NXPE2: variants seen among roughly 807,000 people sequenced by gnomAD.
NXPE2 encodes neurexophilin and PC-esterase domain family member 2.
In NXPE2, 34 loss-of-function variants were observed where a neutral mutation model predicts 34.4. That is an observed-to-expected ratio of 0.99 (90% CI 0.75 to 1.31). The LOEUF (loss-of-function observed/expected upper bound fraction) is 1.31. Among genes scored for constraint, NXPE2 ranks in the 40% most tolerant of loss-of-function variants. The pLI, the probability that NXPE2 is intolerant of heterozygous loss-of-function variation, is 0.00. For synonymous variants in NXPE2, 235 were observed against 231.3 expected (o/e 1.02, Z -0.15); for missense variants, 649 against 672.5 (o/e 0.97, Z 0.39).
the NXPE2 span, among the ~76,000 whole-genome samples, chr11:114,670,302 A>T: frequency 6.6e-6 from 1 of 152,022 alleles, no homozygotes; most frequent in South Asian, 2.1e-4. Context: ...TCCCAAGATG[A>T]TTGTGTGCAT....
the NXPE2 span, among the ~76,000 whole-genome samples, chr11:114,717,647 A>G: frequency 1.3e-5 from 2 of 152,212 alleles, no homozygotes; most frequent in African/African-American, 2.4e-5. Flanking sequence ...TCTTTCAGGT[A>G]GAAGAGTTTG....
intron 2 of NXPE2, among the ~76,000 whole-genome samples, chr11:114,684,434 A>AG (rs1951006536): frequency 6.6e-6 from 1 of 152,160 alleles, no homozygotes; most frequent in Non-Finnish European, 1.5e-5. Context: ...CTCAAAAAAA[A>AG]GAAAAGAAAA....
chr11:114,703,894 G>C, intron 3 of NXPE2, 97 bp from the exon 4 acceptor site: 1 of 838,124 alleles, frequency 1.2e-6, no homozygotes, highest in Non-Finnish European at 2.0e-6. Flanking sequence ...GGGGGGAAAG[G>C]CATTTGGAGA....
At chr11:114,811,670 C>G in the NXPE2 span, among the ~76,000 whole-genome samples, 2 of 152,192 alleles carry the variant, frequency 1.3e-5, no homozygotes, top group African/African-American at 4.8e-5. Context: ...ACCCCACACT[C>G]AAGGGTGCTG....
At chr11:114,640,425 C>T in the NXPE2 span, among the ~76,000 whole-genome samples, 4 of 151,362 alleles carry the variant, frequency 2.6e-5, no homozygotes, top group South Asian at 2.1e-4. Context: ...TATATATTCA[C>T]GTGCAGATGT....
chr11:114,494,167 C>A, the NXPE2 span, among the ~76,000 whole-genome samples: 786 of 152,196 alleles, frequency 5.2e-3, 4 homozygotes, highest in African/African-American at 0.018. Flanking sequence ...TTATTAAATG[C>A]GTTGAGGTCG....
the NXPE2 span, among the ~76,000 whole-genome samples, chr11:114,748,839 A>G: frequency 8.5e-4 from 130 of 152,320 alleles, 1 homozygote; most frequent in East Asian, 0.022. Context: ...TCCATTATCA[A>G]ACTTTCAATT....
the NXPE2 span, among the ~76,000 whole-genome samples, chr11:114,787,652 T>C: frequency 6.6e-6 from 1 of 152,176 alleles, no homozygotes; most frequent in African/African-American, 2.4e-5. Flanking sequence ...GACTGACCAA[T>C]TATTTCTAAA....
the NXPE2 span, among the ~76,000 whole-genome samples, chr11:114,601,793 T>TA: frequency 1.4e-4 from 10 of 69,020 alleles, no homozygotes; most frequent in African/African-American, 6.5e-4. Flanking sequence ...TAACATGTGA[T>TA]ATATGATTAT....
the NXPE2 span, among the ~76,000 whole-genome samples, chr11:114,805,401 C>A: frequency 1.3e-5 from 2 of 152,088 alleles, no homozygotes; most frequent in African/African-American, 4.8e-5. Flanking sequence ...TCGCCTCACC[C>A]GGGAAGCACA....
the NXPE2 span, among the ~76,000 whole-genome samples, chr11:114,631,499 A>T: frequency 7.8e-6 from 1 of 127,622 alleles, no homozygotes; most frequent in African/African-American, 3.0e-5. Context: ...CAGGAAGGGG[A>T]ACATAACACT....
At chr11:114,635,849 T>C in the NXPE2 span, among the ~76,000 whole-genome samples, 247 of 152,146 alleles carry the variant, frequency 1.6e-3, no homozygotes, top group African/African-American at 5.6e-3. Context: ...TTTTGATGTG[T>C]TGCTGTATTC....
chr11:114,540,074 G>C, the NXPE2 span, among the ~76,000 whole-genome samples: 2 of 152,186 alleles, frequency 1.3e-5, no homozygotes, highest in Admixed American at 1.3e-4. Context: ...TCCTGCCTCA[G>C]CCGCCTGAAT....
chr11:114,539,966 C>T, the NXPE2 span, among the ~76,000 whole-genome samples: 6 of 152,178 alleles, frequency 3.9e-5, no homozygotes, highest in East Asian at 1.9e-4. Flanking sequence ...GACCTTAATA[C>T]GAATATTGTA....
chr11:114,577,058 CATATATATATATAAA>C, the NXPE2 span, among the ~76,000 whole-genome samples: 185 of 29,930 alleles, frequency 6.2e-3, no homozygotes, highest in Admixed American at 0.031. Flanking sequence ...TATATATATA[CATATATATATATAAA>C]GTTATATATA....
chr11:114,794,428 T>C, the NXPE2 span, among the ~76,000 whole-genome samples: 17 of 152,178 alleles, frequency 1.1e-4, no homozygotes, highest in Non-Finnish European at 2.5e-4. Flanking sequence ...CCAGATCATC[T>C]TGTGGCATGT....
chr11:114,682,830 G>A (rs1473842601), intron 2 of NXPE2, among the ~76,000 whole-genome samples: 1 of 147,648 alleles, frequency 6.8e-6, no homozygotes, highest in African/African-American at 2.5e-5. Flanking sequence ...AAGGCCACAA[G>A]AAACAGAACC....
the NXPE2 span, among the ~76,000 whole-genome samples, chr11:114,808,984 G>T: frequency 6.6e-6 from 1 of 152,134 alleles, no homozygotes; most frequent in East Asian, 1.9e-4. Flanking sequence ...ACATCAAAAA[G>T]CTTATCCACC....
chr11:114,628,843 A>T, the NXPE2 span, among the ~76,000 whole-genome samples: 1 of 152,014 alleles, frequency 6.6e-6, no homozygotes, highest in Non-Finnish European at 1.5e-5. Context: ...AGGGGATATC[A>T]CCACCGATCC....
Sources: allele counts gnomAD v4.1 joint callset (sites outside exome capture counted in the v4.1 genomes callset), GRCh38; gene constraint gnomAD v4.1.1; transcripts MANE v1.5; gene names NCBI Gene and HGNC (gene_info 2026-07-23, HGNC 2026-07-21).